Variants in SLC12A2 observed in about 807,000 individuals in gnomAD.
The protein encoded by SLC12A2 is solute carrier family 12 member 2.
A neutral mutation model predicts 136.3 loss-of-function variants in SLC12A2; 67 were observed. The ratio of observed to expected loss-of-function variants is 0.49; its 90% CI spans 0.40 to 0.60. The LOEUF (loss-of-function observed/expected upper bound fraction) is 0.60, where lower values mean the gene tolerates loss of function less well. Ranked by LOEUF, SLC12A2 falls within the 20% of genes least tolerant of loss-of-function variation. The pLI is 0.00. For synonymous variants in SLC12A2, 619 were observed against 562.9 expected, an observed-to-expected ratio of 1.10 and a Z score of -1.41; for missense variants, 1,322 against 1,534.7, an observed-to-expected ratio of 0.86 and a Z score of 2.32.
At position 128,084,155 on chromosome 5, in the gene SLC12A2, G is replaced by A; in HGVS notation, c.201G>A (p.Gly67=). ...AGGGCCCCGCGGCGGCCGGGGACGG[G>A]CTGGGCAGACCCTTGGGGCCCACCC... The part of the protein sequence containing the change: ...RDEGPAAAGD[G]LGRPLGPTPS... The change falls in exon 1 of 27, where the codon GGG becomes GGA. Residue 67 remains glycine (G), a synonymous_variant. Transcript: ENST00000262461. This position sits in a 1 kb window ranked among gnomAD's most constrained non-coding sequence, Gnocchi z 5.6. 7.7e-7 allele frequency: 1 copy of A among 1,298,248 alleles called. No homozygotes were observed. Among genetic ancestry groups the A allele is most frequent in the Non-Finnish European group, 9.7e-7 (1 of 1,030,270 alleles). 80.4% of individuals were successfully genotyped at this position (1,298,248 alleles called of 1,614,324 possible).
chr5:128,110,014 T>C, intron 1 of SLC12A2: 2 of 1,069,996 alleles, frequency 1.9e-6, no homozygotes, highest in Non-Finnish European at 2.9e-6. Context: ...AAGATTGCAG[T>C]AGAAATCCCA....
At chr5:128,109,675 T>G in intron 1 of SLC12A2, 3 of 986,356 alleles carry the variant, frequency 3.0e-6, no homozygotes, top group Non-Finnish European at 4.9e-6. Flanking sequence ...TCACATCTTC[T>G]CCAGGCGAAA....
chr5:128,156,399 A>G (rs1418928376), intron 15 of SLC12A2, among the ~76,000 whole-genome samples: 1 of 152,114 alleles, frequency 6.6e-6, no homozygotes, highest in East Asian at 1.9e-4. Context: ...AGTTTTGAGA[A>G]AGGAGATTAC....
chr5:128,177,203 C>A, intron 21 of SLC12A2, 51 bp downstream of exon 21: 2 of 1,289,320 alleles, frequency 1.6e-6, no homozygotes, highest in African/African-American at 1.5e-5. Flanking sequence ...ACTGTAAACT[C>A]TTTAACTCCA....
intron 4 of SLC12A2, among the ~76,000 whole-genome samples, chr5:128,126,224 G>A (rs1206122876): frequency 6.6e-6 from 1 of 151,988 alleles, no homozygotes; most frequent in East Asian, 1.9e-4. Context: ...AACAACTCTC[G>A]GAACAAAATC....
intron 1 of SLC12A2, among the ~76,000 whole-genome samples, chr5:128,098,635 G>T (rs1157459729): frequency 6.7e-6 from 1 of 149,948 alleles, no homozygotes; most frequent in Non-Finnish European, 1.5e-5. Flanking sequence ...ATTGTTGTTG[G>T]TTTTTTTTTG....
At chr5:128,126,154 TA>T (rs1761785920) in intron 4 of SLC12A2, among the ~76,000 whole-genome samples, 2 of 152,182 alleles carry the variant, frequency 1.3e-5, no homozygotes, top group South Asian at 4.1e-4. Context: ...ATTTTTGACT[TA>T]GATATGCCAA....
At chr5:128,168,043 T>C (rs1763255416) in intron 18 of SLC12A2, 176 bp downstream of exon 18, 1 of 504,238 alleles carries the variant, frequency 2.0e-6, no homozygotes, top group Non-Finnish European at 3.5e-6. Flanking sequence ...CAATTTTTTA[T>C]TGATCTTTAT....
rs200341368 is a variant in SLC12A2 at position 128,152,803 on chromosome 5, T to G, written c.2361T>G (p.Phe787Leu). The G allele has an allele frequency of 6.3e-7, 1 of 1,590,256 alleles. No homozygotes were observed. The highest frequency in any genetic ancestry group is 1.7e-5 in the Admixed American group (1 of 59,996). ...GAGTGGAAGACCACGTGAAAAACTT[T>G]AGGTAAGTGATAAAGAAGGAAACAT... ...LSGVEDHVKN[F>L]RPQCLVMTGA... The change falls in exon 15 of 27, where the codon TTT becomes TTG. Residue 787 changes from phenylalanine to leucine, a missense_variant and splice_region_variant. By Grantham distance (22) the Phe-to-Leu change is conservative (BLOSUM62 0). Coordinates refer to ENST00000262461, the MANE Select transcript of SLC12A2 (RefSeq NM_001046.3).
At chr5:128,109,075 C>T (rs1421891370) in intron 1 of SLC12A2, among the ~76,000 whole-genome samples, 1 of 152,140 alleles carries the variant, frequency 6.6e-6, no homozygotes, top group African/African-American at 2.4e-5. Flanking sequence ...ACTCATTTTC[C>T]ATGTATTTCA....
intron 1 of SLC12A2, among the ~76,000 whole-genome samples, chr5:128,089,012 T>C (rs978286846): frequency 1.3e-5 from 2 of 151,774 alleles, no homozygotes; most frequent in African/African-American, 4.8e-5. Context: ...CTACTAAAAA[T>C]ACAAAATTAG....
chr5:128,122,007 A>G (rs1761601057), intron 4 of SLC12A2, among the ~76,000 whole-genome samples: 1 of 152,236 alleles, frequency 6.6e-6, no homozygotes. Context: ...TTCATAGAAT[A>G]GAGGACAACT....
chr5:128,154,833 C>G (rs1484592657), intron 15 of SLC12A2, among the ~76,000 whole-genome samples: 1 of 152,184 alleles, frequency 6.6e-6, no homozygotes, highest in Non-Finnish European at 1.5e-5. Context: ...GCAAAACTAG[C>G]ATGAGTTTCT....
chr5:128,106,834 A>G (rs1480776646), intron 1 of SLC12A2, among the ~76,000 whole-genome samples: 1 of 152,218 alleles, frequency 6.6e-6, no homozygotes, highest in African/African-American at 2.4e-5. Flanking sequence ...CATTGTTAAA[A>G]AGACACCCAC....
At chr5:128,089,495 C>T (rs941898129) in intron 1 of SLC12A2, among the ~76,000 whole-genome samples, 1 of 152,210 alleles carries the variant, frequency 6.6e-6, no homozygotes. Flanking sequence ...CTCTCTTTAT[C>T]TTTTCTATCC....
At chr5:128,163,148 G>A (rs1763097099) in intron 17 of SLC12A2, among the ~76,000 whole-genome samples, 1 of 152,166 alleles carries the variant, frequency 6.6e-6, no homozygotes, top group Non-Finnish European at 1.5e-5. Context: ...CTGGCAAAAT[G>A]TCCTGCAAAT....
At chr5:128,131,516 A>G (rs1762022105) in intron 5 of SLC12A2, among the ~76,000 whole-genome samples, 1 of 148,286 alleles carries the variant, frequency 6.7e-6, no homozygotes, top group African/African-American at 2.5e-5. Context: ...ACATGGTGAA[A>G]CCCCATCTCT....
At chr5:128,113,014 A>C in intron 2 of SLC12A2, 81 bp downstream of exon 2, 31 of 1,233,172 alleles carry the variant, frequency 2.5e-5, no homozygotes, top group Non-Finnish European at 3.2e-5. Context: ...ATCAGTTCTC[A>C]AGAGAACTCT....
At chr5:128,131,743 T>C (rs1281106703) in intron 5 of SLC12A2, among the ~76,000 whole-genome samples, 2 of 151,970 alleles carry the variant, frequency 1.3e-5, no homozygotes, top group African/African-American at 4.8e-5. Flanking sequence ...TGGTGGCTCA[T>C]GCCTGTAATC....
Sources: gnomAD v4.1 joint callset for allele counts (sites outside exome capture counted in the v4.1 genomes callset) on GRCh38, gnomAD v4.1.1 for gene constraint, Gnocchi (gnomAD v3.1) non-coding constraint, MANE v1.5 for transcripts, NCBI Gene and HGNC (gene_info 2026-07-23, HGNC 2026-07-21) for gene names.